MYO5A: variants seen among roughly 807,000 people sequenced by gnomAD.
The protein encoded by MYO5A is unconventional myosin-Va.
A neutral mutation model predicts 249.7 loss-of-function variants in MYO5A; 98 were observed. The ratio of observed to expected loss-of-function variants is 0.39; its 90% CI spans 0.33 to 0.46. The LOEUF is 0.46. Among genes scored for constraint, MYO5A ranks in the 20% least tolerant of loss-of-function variants. The probability of loss-of-function intolerance (pLI) is 0.98; values close to 1 mark genes in which losing one functional copy is unlikely to be tolerated. For missense variants in MYO5A, 1,696 were observed against 2,308.8 expected, an observed-to-expected ratio of 0.73 and a Z score of 5.44; for synonymous variants, 778 against 810.6, an observed-to-expected ratio of 0.96 and a Z score of 0.68.
intron 34 of MYO5A, chr15:52,331,906 A>T (rs927266599): frequency 1.0e-6 from 1 of 972,716 alleles, no homozygotes; most frequent in African/African-American, 1.8e-5. Flanking sequence ...AGTTTTTCAT[A>T]TGCATGATCC....
chr15:52,498,912 T>C (rs192907574), intron 1 of MYO5A, among the ~76,000 whole-genome samples: 191 of 152,348 alleles, frequency 1.3e-3, no homozygotes, highest in Middle Eastern at 3.4e-3. Flanking sequence ...TGGTAAAGAC[T>C]TGATGAATTT....
intron 1 of MYO5A, among the ~76,000 whole-genome samples, chr15:52,439,417 C>T (rs1310845990): frequency 6.6e-6 from 1 of 152,206 alleles, no homozygotes; most frequent in Non-Finnish European, 1.5e-5. Context: ...ACTTATGCTA[C>T]CTGAAACCTT....
At chr15:52,324,047 G>A (rs926610639) in intron 36 of MYO5A, among the ~76,000 whole-genome samples, 3 of 112,876 alleles carry the variant, frequency 2.7e-5, no homozygotes, top group Non-Finnish European at 3.8e-5. Context: ...AAATCACCCA[G>A]CTACAGCTAG....
Position 52,372,970 on chromosome 15 carries a change from T to C in MYO5A, c.2578-607A>G, listed in dbSNP as rs200774746. Among the ~76,000 whole-genome samples the C allele has an allele frequency of 6.6e-5, 10 of 151,032 alleles. No individual in the cohort carries two copies. In the East Asian group the frequency reaches 1.9e-3, roughly 29 times the overall value. On this transcript the variant is annotated intron_variant, in intron 20 of 41. Coordinates refer to ENST00000399233, the MANE Select transcript of MYO5A (RefSeq NM_001382347.1). Reference sequence around the variant, plus strand: ...CTGATTTATTGATTTTTTTTTTTTTTAGAAACTAAAAGATGACACTCTTGT... The same window carrying C: ...CTGATTTATTGATTTTTTTTTTTTTCAGAAACTAAAAGATGACACTCTTGT...
intron 1 of MYO5A, among the ~76,000 whole-genome samples, chr15:52,494,410 G>C (rs1300860468): frequency 1.3e-5 from 2 of 152,116 alleles, no homozygotes; most frequent in Non-Finnish European, 2.9e-5. Flanking sequence ...TTAGTATTGG[G>C]TTACAAATAT....
intron 1 of MYO5A, among the ~76,000 whole-genome samples, chr15:52,448,017 G>C (rs2075930221): frequency 6.6e-6 from 1 of 152,244 alleles, no homozygotes; most frequent in African/African-American, 2.4e-5. Flanking sequence ...TTGGGGCACT[G>C]CCTAGTGGAG....
chr15:52,487,420 T>TA (rs753380054), intron 1 of MYO5A, among the ~76,000 whole-genome samples: 22,649 of 145,706 alleles, frequency 0.16, 1,821 homozygotes, highest in Middle Eastern at 0.23. Flanking sequence ...GTCCCAAAAA[T>TA]TAAAAAAAAA....
At chr15:52,313,985 C>A in intron 41 of MYO5A, 137 bp from the exon 42 acceptor site, 2 of 1,323,448 alleles carry the variant, frequency 1.5e-6, no homozygotes, top group Non-Finnish European at 1.1e-6. Flanking sequence ...CTTCATTTTC[C>A]CAATTAACTA....
chr15:52,457,483 T>C (rs1174777507), intron 1 of MYO5A, among the ~76,000 whole-genome samples: 1 of 147,674 alleles, frequency 6.8e-6, no homozygotes, highest in African/African-American at 2.5e-5. Context: ...AGAAGGCATA[T>C]AAATGGCTAA....
chr15:52,327,726 TA>T, intron 36 of MYO5A, 125 bp downstream of exon 36: 1 of 1,010,598 alleles, frequency 9.9e-7, no homozygotes, highest in South Asian at 1.3e-5. Flanking sequence ...GATAGGTAAG[TA>T]AATAAAAATT....
chr15:52,364,780 CA>C (rs1206814615), intron 23 of MYO5A, 78 bp from the exon 24 acceptor site: 5 of 1,541,142 alleles, frequency 3.2e-6, no homozygotes, highest in Non-Finnish European at 4.4e-6. Context: ...TACTGATTTC[CA>C]GTTTCTCTGT....
chr15:52,481,350 T>G (rs1205242468), intron 1 of MYO5A, among the ~76,000 whole-genome samples: 1 of 152,258 alleles, frequency 6.6e-6, no homozygotes, highest in Non-Finnish European at 1.5e-5. Context: ...ATACCCTAAC[T>G]AATTCTGTTT....
At chr15:52,503,407 G>C (rs1243721683) in intron 1 of MYO5A, among the ~76,000 whole-genome samples, 1 of 152,064 alleles carries the variant, frequency 6.6e-6, no homozygotes, top group Non-Finnish European at 1.5e-5. Context: ...AGGATCTCTT[G>C]AGTCAAGGAG....
chr15:52,369,139 T>C (rs1240065970), intron 22 of MYO5A, among the ~76,000 whole-genome samples: 1 of 152,218 alleles, frequency 6.6e-6, no homozygotes, highest in Non-Finnish European at 1.5e-5. Flanking sequence ...ATTACTTTAC[T>C]GGAACCTGTA....
At chr15:52,384,962 A>G (rs1314233262) in intron 14 of MYO5A, among the ~76,000 whole-genome samples, 2 of 152,242 alleles carry the variant, frequency 1.3e-5, no homozygotes, top group Non-Finnish European at 2.9e-5. Context: ...TACATTTGAT[A>G]TTTGTTTTCA....
chr15:52,330,641 AT>A (rs1226864423), intron 34 of MYO5A, 142 bp from the exon 35 acceptor site: 52 of 992,744 alleles, frequency 5.2e-5, no homozygotes, highest in Non-Finnish European at 6.4e-5. Context: ...TCTTAAAATA[AT>A]TTTTTTCTGT....
At chr15:52,361,195 C>A (rs138104247) in intron 24 of MYO5A, among the ~76,000 whole-genome samples, 334 of 152,314 alleles carry the variant, frequency 2.2e-3, no homozygotes, top group Admixed American at 4.1e-3. Flanking sequence ...AATCATCACA[C>A]ATGAAGTCAA....
At chr15:52,383,409 A>G (rs1209271734) in intron 15 of MYO5A, among the ~76,000 whole-genome samples, 2 of 152,244 alleles carry the variant, frequency 1.3e-5, no homozygotes, top group Non-Finnish European at 2.9e-5. Flanking sequence ...TCTGCTAAAT[A>G]TAGATTCCTA....
At chr15:52,406,269 T>C (rs925364511) in intron 8 of MYO5A, among the ~76,000 whole-genome samples, 2 of 152,230 alleles carry the variant, frequency 1.3e-5, no homozygotes, top group Non-Finnish European at 2.9e-5. Context: ...TGGCTTTTTC[T>C]TTTTTGTTTT....
Sources: allele counts gnomAD v4.1 joint callset (sites outside exome capture counted in the v4.1 genomes callset), GRCh38; gene constraint gnomAD v4.1.1; transcripts MANE v1.5; gene names NCBI Gene and HGNC (gene_info 2026-07-23, HGNC 2026-07-21).